The following RNF121 variants were observed in gnomAD, a reference collection of about 807,000 sequenced individuals.
RNF121 encodes the protein E3 ubiquitin ligase RNF121.
In RNF121, 21 loss-of-function variants were observed where a neutral mutation model predicts 46.5. The ratio of observed to expected loss-of-function variants is 0.45; its 90% CI spans 0.32 to 0.65. RNF121 has a LOEUF of 0.65. Among genes scored for constraint, RNF121 ranks in the 30% least tolerant of loss-of-function variants. The pLI, the probability that RNF121 is intolerant of heterozygous loss-of-function variation, is 0.04. For synonymous variants in RNF121, 139 were observed against 144.7 expected (o/e 0.96, Z 0.28); for missense variants, 346 against 416.0 (o/e 0.83, Z 1.46).
intron 1 of RNF121, among the ~76,000 whole-genome samples, chr11:71,940,339 G>A (rs920349677): frequency 3.9e-5 from 6 of 151,966 alleles, no homozygotes; most frequent in Admixed American, 2.6e-4. Flanking sequence ...GTTTTTTTCC[G>A]GTAGAAAAAA....
intron 3 of RNF121, among the ~76,000 whole-genome samples, chr11:71,970,819 G>GAAA: frequency 6.6e-6 from 1 of 152,172 alleles, no homozygotes; most frequent in African/African-American, 2.4e-5. Flanking sequence ...TACCAAGACA[G>GAAA]GGACTTACCT....
At chr11:71,975,418 T>C (rs796874147) in intron 3 of RNF121, among the ~76,000 whole-genome samples, 23 of 152,342 alleles carry the variant, frequency 1.5e-4, no homozygotes, top group African/African-American at 5.3e-4. Flanking sequence ...GGAACACCCA[T>C]CATGATGCCT....
chr11:71,994,278 A>G (rs1427698535), intron 6 of RNF121, among the ~76,000 whole-genome samples: 5 of 152,166 alleles, frequency 3.3e-5, no homozygotes. Context: ...TGCCCTTGTC[A>G]CCAAACCAAC....
At position 71,988,823 on chromosome 11, in the gene RNF121, G is replaced by A. The variant is rs147318628; in HGVS notation, c.506+1712G>A. Among the ~76,000 whole-genome samples, 634 of 151,810 alleles carry A rather than the reference G, an allele frequency of 4.2e-3. 2 individuals are homozygous for A. Among genetic ancestry groups the A allele is most frequent in the African/African-American group, 0.015 (605 of 41,424 alleles). On this transcript the variant is annotated intron_variant, in intron 5 of 8. Coordinates refer to ENST00000361756, the MANE Select transcript of RNF121 (RefSeq NM_018320.5). ...GGTGACAAAGGGAGACCCCCATCTCGAAAAAAATAAAAATAAATAAATCCT... is the reference window on the plus strand; with the variant it reads ...GGTGACAAAGGGAGACCCCCATCTCAAAAAAAATAAAAATAAATAAATCCT...
intron 1 of RNF121, among the ~76,000 whole-genome samples, chr11:71,933,827 GTT>G (rs1490156973): frequency 6.6e-6 from 1 of 152,106 alleles, no homozygotes; most frequent in Non-Finnish European, 1.5e-5. Context: ...TTTGATAATC[GTT>G]GTTTTTGATT....
intron 1 of RNF121, among the ~76,000 whole-genome samples, chr11:71,950,311 A>G (rs1373407656): frequency 6.6e-6 from 1 of 152,088 alleles, no homozygotes; most frequent in Non-Finnish European, 1.5e-5. Flanking sequence ...ATAGCCAGGC[A>G]CGGTGGCTCA....
intron 1 of RNF121, among the ~76,000 whole-genome samples, chr11:71,941,147 G>C (rs189019269): frequency 1.3e-5 from 2 of 152,312 alleles, no homozygotes; most frequent in Admixed American, 1.3e-4. Context: ...TCTAATTGAA[G>C]TTTGGAAGTT....
At chr11:71,931,321 A>G (rs964899922) in intron 1 of RNF121, among the ~76,000 whole-genome samples, 12 of 152,296 alleles carry the variant, frequency 7.9e-5, no homozygotes, top group African/African-American at 2.9e-4. Context: ...TTTCCTGAGA[A>G]AAGGTATAAT....
chr11:71,939,932 T>C (rs1022788669), intron 1 of RNF121, among the ~76,000 whole-genome samples: 2 of 151,766 alleles, frequency 1.3e-5, no homozygotes, highest in East Asian at 3.9e-4. Flanking sequence ...GTATGAGGAG[T>C]AGAGTTATAA....
rs1954112985 is a variant in RNF121 at position 71,960,837 on chromosome 11, G to A, written c.189G>A (p.Val63=). 1 of 1,614,034 alleles carries A rather than the reference G, an allele frequency of 6.2e-7. No homozygotes were observed. Among genetic ancestry groups the A allele is most frequent in the African/African-American group, 1.3e-5 (1 of 74,930 alleles). Residue 63 remains valine, a synonymous_variant, in exon 3 of 9, where the codon GTG becomes GTA. Coordinates refer to ENST00000361756, the MANE Select transcript of RNF121 (RefSeq NM_018320.5). The part of the protein sequence containing the change: ...EMVLILIATL[V]VAQLLLVQWK... The stretch of plus-strand genomic sequence containing the variant: ...TCCTCATCCTCATCGCAACCTTGGT[G>A]GTGGCCCAGCTGCTCCTGGTGCAGT...
intron 1 of RNF121, among the ~76,000 whole-genome samples, chr11:71,953,417 C>T (rs1286033227): frequency 6.6e-6 from 1 of 152,182 alleles, no homozygotes; most frequent in Non-Finnish European, 1.5e-5. Context: ...GTCAAGTGTA[C>T]AGATGCGTAT....
chr11:71,972,493 G>A (rs1023933847), intron 3 of RNF121, among the ~76,000 whole-genome samples: 3 of 151,996 alleles, frequency 2.0e-5, no homozygotes, highest in African/African-American at 7.3e-5. Context: ...CTTTTAGTGG[G>A]CATCCAATGA....
At chr11:71,977,249 T>C (rs944770867) in intron 3 of RNF121, among the ~76,000 whole-genome samples, 7 of 152,144 alleles carry the variant, frequency 4.6e-5, no homozygotes, top group Admixed American at 1.3e-4. Flanking sequence ...GCAGAGGTGG[T>C]AAGATGAGAA....
intron 5 of RNF121, among the ~76,000 whole-genome samples, chr11:71,989,337 T>G (rs1297375175): frequency 6.6e-6 from 1 of 152,168 alleles, no homozygotes; most frequent in African/African-American, 2.4e-5. Context: ...TGCCTTGGCC[T>G]CCCATAAGTG....
chr11:71,929,058 G>A lies in RNF121; in HGVS notation c.-4G>A. On this transcript the variant is annotated 5_prime_UTR_variant, in exon 1 of 9. Transcript: ENST00000361756. ...GGACTGCGGTGAGGGGGCGAGCCGT[G>A]AAGATGGCGGCAGTGGTGGAGGTGG... The A allele has an allele frequency of 6.4e-7, 1 of 1,551,398 alleles. No individual in the cohort carries two copies. Among genetic ancestry groups the A allele is most frequent in the Non-Finnish European group, 8.7e-7 (1 of 1,147,014 alleles).
chr11:71,936,955 G>C (rs1476291444), intron 1 of RNF121, among the ~76,000 whole-genome samples: 1 of 152,170 alleles, frequency 6.6e-6, no homozygotes, highest in Non-Finnish European at 1.5e-5. Context: ...ATTCTGTTAA[G>C]GATAAAGGGA....
chr11:71,945,186 C>G (rs1953684173), intron 1 of RNF121, among the ~76,000 whole-genome samples: 1 of 151,860 alleles, frequency 6.6e-6, no homozygotes. Context: ...TGGAGTCTTG[C>G]TATGTTACCC....
At chr11:71,966,429 G>T (rs1198807632) in intron 3 of RNF121, among the ~76,000 whole-genome samples, 1 of 151,998 alleles carries the variant, frequency 6.6e-6, no homozygotes, top group Non-Finnish European at 1.5e-5. Flanking sequence ...TCTGTCAGTC[G>T]CTGATTCTTC....
chr11:71,974,155 A>G (rs530736538), intron 3 of RNF121, among the ~76,000 whole-genome samples: 1 of 152,154 alleles, frequency 6.6e-6, no homozygotes, highest in Admixed American at 6.5e-5. Flanking sequence ...GTTAGCCAAG[A>G]TGGTCTCAAT....
Sources: allele counts gnomAD v4.1 joint callset (sites outside exome capture counted in the v4.1 genomes callset), GRCh38; gene constraint gnomAD v4.1.1; transcripts MANE v1.5; gene names NCBI Gene and HGNC (gene_info 2026-07-23, HGNC 2026-07-21).